FHIT: variants seen among roughly 807,000 people sequenced by gnomAD.
The protein encoded by FHIT is fragile histidine triad diadenosine triphosphatase.
A neutral mutation model predicts 17.9 loss-of-function variants in FHIT; 19 were observed. The observed-to-expected ratio is 1.06, with a 90% CI of 0.74 to 1.56. The LOEUF is 1.56. FHIT is among the 40% of genes most tolerant of loss of function. The pLI is 0.00. For synonymous variants in FHIT, 81 were observed against 69.7 expected, an observed-to-expected ratio of 1.16 and a Z score of -0.81; for missense variants, 248 against 189.2, an observed-to-expected ratio of 1.31 and a Z score of -1.82.
At chr3:60,576,563 A>G (rs1259414531) in intron 4 of FHIT, among the ~76,000 whole-genome samples, 2 of 152,194 alleles carry the variant, frequency 1.3e-5, no homozygotes, top group Non-Finnish European at 2.9e-5. Context: ...TTTTGTTTCG[A>G]AAGGTCTGTG....
intron 5 of FHIT, among the ~76,000 whole-genome samples, chr3:60,250,514 G>C (rs1365147976): frequency 7.9e-5 from 12 of 152,162 alleles, no homozygotes. Flanking sequence ...CAGCAGTAAA[G>C]CTTCCTAAGA....
intron 5 of FHIT, among the ~76,000 whole-genome samples, chr3:60,532,881 TAAGA>T (rs960214778): frequency 1.6e-4 from 25 of 152,084 alleles, no homozygotes; most frequent in African/African-American, 5.8e-4. Context: ...CAAAATGTTA[TAAGA>T]GAGACAAGTT....
rs1409319357 is a variant in FHIT at position 60,440,719 on chromosome 3, CCTGT to C, written c.103+96137_103+96140del. ...ATATAAATCCAAAGTTTTTTTCTTGCCTGTCTTTCTGCAATATTCAGTGGGGCAA... is the reference window on the plus strand; with the variant it reads ...ATATAAATCCAAAGTTTTTTTCTTGCCTTTCTGCAATATTCAGTGGGGCAA... On this transcript the variant is annotated intron_variant, in intron 5 of 9. Coordinates refer to ENST00000492590, the MANE Select transcript of FHIT (RefSeq NM_002012.4). 3.9e-5 allele frequency among the ~76,000 whole-genome samples: 6 copies of C among 152,046 alleles called. No homozygotes were observed. In the South Asian group the frequency reaches 1.0e-3, roughly 26 times the overall value.
intron 4 of FHIT, among the ~76,000 whole-genome samples, chr3:60,664,848 G>A (rs1229145321): frequency 1.3e-5 from 2 of 151,058 alleles, no homozygotes; most frequent in African/African-American, 4.9e-5. Context: ...TCCTGGTATT[G>A]GTAATTTTGT....
At chr3:60,862,615 T>G (rs1703965782) in intron 3 of FHIT, among the ~76,000 whole-genome samples, 1 of 152,076 alleles carries the variant, frequency 6.6e-6, no homozygotes, top group South Asian at 2.1e-4. Context: ...TTTGGGAGGC[T>G]GAGGCAGGTG....
chr3:61,162,350 C>T lies in FHIT; in HGVS notation c.-164+38267G>A, dbSNP rs528181720. ...TTCTTCTCAGGTTTTTTTCTTGCTT[C>T]CTACCAGGAGAAGGAAAAAGGTAGT... On this transcript the variant is annotated intron_variant, in intron 2 of 9. Coordinates refer to ENST00000492590, the MANE Select transcript of FHIT (RefSeq NM_002012.4). 2.6e-5 allele frequency among the ~76,000 whole-genome samples: 4 copies of T among 152,208 alleles called. No homozygotes were observed. The East Asian group carries it at 7.7e-4, about 29-fold the overall frequency.
chr3:60,195,458 C>A (rs1702585606), intron 5 of FHIT, among the ~76,000 whole-genome samples: 1 of 149,904 alleles, frequency 6.7e-6, no homozygotes, highest in Non-Finnish European at 1.5e-5. Context: ...CACCTGCACA[C>A]ATATATTTAT....
chr3:60,299,794 A>G (rs1708371159), intron 5 of FHIT, among the ~76,000 whole-genome samples: 1 of 152,062 alleles, frequency 6.6e-6, no homozygotes, highest in East Asian at 1.9e-4. Flanking sequence ...CCCAGTGACG[A>G]TAGTAGTTTT....
chr3:60,895,677 TCTTTC>T (rs1340566708), intron 3 of FHIT, among the ~76,000 whole-genome samples: 1 of 43,894 alleles, frequency 2.3e-5, no homozygotes, highest in Non-Finnish European at 6.4e-5. Flanking sequence ...TTTCTTTCTT[TCTTTC>T]TTTCTTTCTT....
intron 5 of FHIT, among the ~76,000 whole-genome samples, chr3:60,272,158 A>C (rs1706896726): frequency 6.6e-6 from 1 of 152,206 alleles, no homozygotes; most frequent in Non-Finnish European, 1.5e-5. Flanking sequence ...GCTCTGCGGG[A>C]CACAAAACCA....
At chr3:60,186,412 CA>C (rs1196820813) in intron 5 of FHIT, among the ~76,000 whole-genome samples, 2 of 152,068 alleles carry the variant, frequency 1.3e-5, no homozygotes, top group Admixed American at 1.3e-4. Context: ...GTGCCCTTGT[CA>C]AAGGTTGACT....
At chr3:60,108,877 G>T (rs1409622564) in intron 5 of FHIT, among the ~76,000 whole-genome samples, 1 of 151,970 alleles carries the variant, frequency 6.6e-6, no homozygotes. Context: ...TGGTCAGGCT[G>T]GTCTCGTACT....
intron 5 of FHIT, among the ~76,000 whole-genome samples, chr3:60,235,381 T>A (rs1455677573): frequency 6.6e-6 from 1 of 151,770 alleles, no homozygotes; most frequent in Non-Finnish European, 1.5e-5. Context: ...CAGGCACCCA[T>A]AACCAAGCCC....
intron 3 of FHIT, among the ~76,000 whole-genome samples, chr3:61,017,962 T>C (rs1326350884): frequency 2.0e-5 from 3 of 152,178 alleles, no homozygotes; most frequent in Non-Finnish European, 4.4e-5. Flanking sequence ...GAGGAGTCAA[T>C]AGTGACAGCA....
intron 5 of FHIT, among the ~76,000 whole-genome samples, chr3:60,397,543 G>A (rs1385251926): frequency 1.3e-5 from 2 of 152,194 alleles, no homozygotes; most frequent in African/African-American, 4.8e-5. Flanking sequence ...TGAGACAGCA[G>A]TGGATCAAGG....
chr3:61,159,252 T>C (rs2037620085), intron 2 of FHIT, among the ~76,000 whole-genome samples: 1 of 152,202 alleles, frequency 6.6e-6, no homozygotes, highest in South Asian at 2.1e-4. Context: ...AGAGAGAACA[T>C]TCAGGAACTT....
At chr3:60,142,885 G>A (rs569487679) in intron 5 of FHIT, among the ~76,000 whole-genome samples, 2 of 152,002 alleles carry the variant, frequency 1.3e-5, no homozygotes, top group South Asian at 2.1e-4. Flanking sequence ...AACAGATTAA[G>A]AATTAACAAG....
At chr3:60,138,017 T>A (rs1457267963) in intron 5 of FHIT, among the ~76,000 whole-genome samples, 1 of 152,204 alleles carries the variant, frequency 6.6e-6, no homozygotes, top group Non-Finnish European at 1.5e-5. Context: ...ATTGTCTAGT[T>A]TGATGTTCTT....
chr3:59,834,064 A>G (rs146399895), intron 8 of FHIT, among the ~76,000 whole-genome samples: 13 of 152,336 alleles, frequency 8.5e-5, no homozygotes, highest in African/African-American at 3.1e-4. Flanking sequence ...AAAATGAACT[A>G]ATACAGCTAT....
Sources: allele counts gnomAD v4.1 joint callset (sites outside exome capture counted in the v4.1 genomes callset), GRCh38; gene constraint gnomAD v4.1.1; transcripts MANE v1.5; gene names NCBI Gene and HGNC (gene_info 2026-07-23, HGNC 2026-07-21).